SREK1IP1: variants seen among roughly 807,000 people sequenced by gnomAD.
SREK1IP1 encodes protein SREK1IP1.
SREK1IP1 carries 12 observed loss-of-function variants against 22.8 expected under a neutral mutation model. That is an observed-to-expected ratio of 0.53 (90% CI 0.34 to 0.85). SREK1IP1 has a LOEUF of 0.85. Ranked by LOEUF, SREK1IP1 falls within the 40% of genes least tolerant of loss-of-function variation. The pLI is 0.02. For synonymous variants in SREK1IP1, 53 were observed against 52.7 expected (o/e 1.01, Z -0.02); for missense variants, 147 against 171.8 (o/e 0.86, Z 0.81).
At chr5:64,728,235 A>T (rs1463699663) in intron 3 of SREK1IP1, 56 bp from the exon 4 acceptor site, 4 of 1,275,424 alleles carry the variant, frequency 3.1e-6, no homozygotes, top group Non-Finnish European at 3.0e-6. Flanking sequence ...TCTATATATT[A>T]ATATGGCATG....
chr5:64,767,586 G>C (rs1040641366), intron 1 of SREK1IP1, among the ~76,000 whole-genome samples: 2 of 152,166 alleles, frequency 1.3e-5, no homozygotes, highest in Admixed American at 6.5e-5. Flanking sequence ...TAAAGAACCT[G>C]GTCAAATAAT....
intron 1 of SREK1IP1, among the ~76,000 whole-genome samples, chr5:64,758,161 C>A (rs974844178): frequency 2.0e-5 from 3 of 151,698 alleles, no homozygotes; most frequent in Non-Finnish European, 4.4e-5. Context: ...CAGGTGTGAG[C>A]CACTGCTCCT....
intron 2 of SREK1IP1, among the ~76,000 whole-genome samples, chr5:64,743,276 A>G (rs1445851347): frequency 6.6e-6 from 1 of 152,232 alleles, no homozygotes; most frequent in African/African-American, 2.4e-5. Context: ...ACAACTGCCT[A>G]CACTATTCAG....
At chr5:64,766,093 T>C (rs932207385) in intron 1 of SREK1IP1, among the ~76,000 whole-genome samples, 3 of 152,226 alleles carry the variant, frequency 2.0e-5, no homozygotes, top group Admixed American at 2.0e-4. Flanking sequence ...CTACACACCA[T>C]CTAAGCAGAG....
intron 1 of SREK1IP1, among the ~76,000 whole-genome samples, chr5:64,768,160 A>C (rs1743089628): frequency 6.6e-6 from 1 of 151,948 alleles, no homozygotes. Flanking sequence ...TCCCACTTCA[A>C]GTTTTAGTTT....
intron 2 of SREK1IP1, among the ~76,000 whole-genome samples, chr5:64,745,981 A>C (rs865988031): frequency 2.6e-5 from 4 of 152,198 alleles, no homozygotes; most frequent in Admixed American, 1.3e-4. Context: ...ATTTATTATA[A>C]ATCTATAGCA....
intron 1 of SREK1IP1, among the ~76,000 whole-genome samples, chr5:64,766,292 G>T (rs1743031563): frequency 6.6e-6 from 1 of 152,000 alleles, no homozygotes; most frequent in South Asian, 2.1e-4. Flanking sequence ...CTTAACCCCT[G>T]CCCCTTGTGA....
chr5:64,755,282 T>C (rs1231416281), intron 1 of SREK1IP1, among the ~76,000 whole-genome samples: 1 of 151,856 alleles, frequency 6.6e-6, no homozygotes, highest in Non-Finnish European at 1.5e-5. Flanking sequence ...TGCAGCATTA[T>C]TTACAACAGC....
Position 64,728,188 on chromosome 5 carries a change from G to A in SREK1IP1, c.206-9C>T, listed in dbSNP as rs753309709. On this transcript the variant is annotated splice_polypyrimidine_tract_variant and intron_variant, in intron 3 of 4. Transcript: ENST00000513458. ...CTCTTCTTCATTTATTCCTGTGGGG[G>A]AGAGGTGAGAAGAAAAAAATCTGGT... is the stretch of plus-strand genomic sequence containing the variant. The A allele has an allele frequency of 1.4e-6, 2 of 1,383,332 alleles. No individual in the cohort carries two copies. Among genetic ancestry groups the A allele is most frequent in the South Asian group, 1.8e-5 (1 of 54,518 alleles). 85.7% of individuals were successfully genotyped at this position (1,383,332 alleles called of 1,614,324 possible).
chr5:64,762,611 G>A (rs1272686654), intron 1 of SREK1IP1, among the ~76,000 whole-genome samples: 1 of 152,012 alleles, frequency 6.6e-6, no homozygotes, highest in Non-Finnish European at 1.5e-5. Context: ...CTGTACTAAA[G>A]TCAAAGTAGA....
At chr5:64,759,465 C>T (rs956569199) in intron 1 of SREK1IP1, among the ~76,000 whole-genome samples, 5 of 152,098 alleles carry the variant, frequency 3.3e-5, no homozygotes, top group Non-Finnish European at 7.4e-5. Flanking sequence ...TCAAAATTTT[C>T]CTTTCTAATC....
rs540824226 is a variant in SREK1IP1, at chr5:64,721,860, A to G, written c.*2524T>C. 1 of 152,316 alleles carries G rather than the reference A, an allele frequency of 6.6e-6. No homozygotes were observed. The highest frequency in any genetic ancestry group is 2.1e-4 in the South Asian group (1 of 4,832). The allele number at this position is 152,316 out of a possible 1,614,324, so 9.4% of individuals were successfully genotyped here. On this transcript the variant is annotated 3_prime_UTR_variant, in exon 5 of 5. Coordinates refer to ENST00000513458, the MANE Select transcript of SREK1IP1 (RefSeq NM_173829.4). ...TTGCTTGAATTTTAAAATATTGATA[A>G]TTATATATATTAAACCTTGAAGTGA...
intron 3 of SREK1IP1, among the ~76,000 whole-genome samples, chr5:64,729,469 A>G (rs540846161): frequency 6.6e-6 from 1 of 152,334 alleles, no homozygotes; most frequent in African/African-American, 2.4e-5. Context: ...CATGAATGAG[A>G]ACAGATGAAC....
chr5:64,749,438 T>TTC (rs1742703649), intron 2 of SREK1IP1, among the ~76,000 whole-genome samples: 1 of 117,908 alleles, frequency 8.5e-6, no homozygotes, highest in Non-Finnish European at 1.5e-5. Context: ...TCTTGAAGTC[T>TTC]TTTTTTTTTT....
intron 3 of SREK1IP1, among the ~76,000 whole-genome samples, chr5:64,740,542 T>C (rs891969056): frequency 6.6e-6 from 1 of 152,192 alleles, no homozygotes; most frequent in Non-Finnish European, 1.5e-5. Flanking sequence ...TGGGGAGCTG[T>C]ATTGGCATGC....
chr5:64,745,763 C>T (rs146148225), intron 2 of SREK1IP1, among the ~76,000 whole-genome samples: 3 of 152,064 alleles, frequency 2.0e-5, no homozygotes, highest in Non-Finnish European at 2.9e-5. Flanking sequence ...TCAAGCAAAG[C>T]GACCCTAAGG....
At chr5:64,767,228 C>T (rs1286950384) in intron 1 of SREK1IP1, among the ~76,000 whole-genome samples, 1 of 152,204 alleles carries the variant, frequency 6.6e-6, no homozygotes, top group African/African-American at 2.4e-5. Context: ...CTAAGTGCTA[C>T]CTCCTTTGGA....
At chr5:64,727,554 T>TATATATATATATA (rs1491553760) in intron 4 of SREK1IP1, 2 of 94,264 alleles carry the variant, frequency 2.1e-5, no homozygotes, top group African/African-American at 1.4e-4. Flanking sequence ...TATATATATA[T>TATATATATATATA]TTTTTTTTTT....
chr5:64,734,668 T>G (rs925835870), intron 3 of SREK1IP1, among the ~76,000 whole-genome samples: 3 of 150,000 alleles, frequency 2.0e-5, no homozygotes, highest in Non-Finnish European at 4.4e-5. Flanking sequence ...ATTTCATTCT[T>G]TATGCTACCA....
Sources: allele counts gnomAD v4.1 joint callset (sites outside exome capture counted in the v4.1 genomes callset), GRCh38; gene constraint gnomAD v4.1.1; transcripts MANE v1.5; gene names NCBI Gene and HGNC (gene_info 2026-07-23, HGNC 2026-07-21).